KDR: variants seen among roughly 807,000 people sequenced by gnomAD.
The protein encoded by KDR is kinase insert domain receptor.
A neutral mutation model predicts 160.9 loss-of-function variants in KDR; 43 were observed. The ratio of observed to expected loss-of-function variants is 0.27; its 90% CI spans 0.21 to 0.34. KDR has a LOEUF of 0.34. Ranked by LOEUF, KDR falls within the 10% of genes least tolerant of loss-of-function variation. KDR has a pLI of 1.00. For missense variants in KDR, 1,469 were observed against 1,666.4 expected, an observed-to-expected ratio of 0.88 and a Z score of 2.06; for synonymous variants, 617 against 600.1, an observed-to-expected ratio of 1.03 and a Z score of -0.41.
At chr4:55,118,867 G>C in intron 2 of KDR, 67 bp from the exon 3 acceptor site, 1 of 1,404,256 alleles carries the variant, frequency 7.1e-7, no homozygotes, top group East Asian at 2.3e-5. Flanking sequence ...TCTAAGAAAA[G>C]AGAAAATTTG....
chr4:55,081,405 C>T (rs1469254996), intron 29 of KDR, among the ~76,000 whole-genome samples: 1 of 152,052 alleles, frequency 6.6e-6, no homozygotes, highest in Non-Finnish European at 1.5e-5. Flanking sequence ...AGAGAACGTA[C>T]ACGTATTCAA....
At position 55,082,547 on chromosome 4, in the gene KDR, C is replaced by T; in HGVS notation, c.3751G>A (p.Val1251Ile). 6.2e-7 allele frequency: 1 copy of T among 1,609,492 alleles called. No homozygotes were observed. The highest frequency in any genetic ancestry group is 8.5e-7 in the Non-Finnish European group (1 of 1,175,902). Residue 1251 changes from valine to isoleucine, a missense_variant, in exon 28 of 30, where the codon GTA (valine) becomes ATA (isoleucine). Transcript: ENST00000263923. ...DIPLEEPEVK[V>I]IPDDNQTDSG... ...AAAGACGTACTTACATCTGGGATTA[C>T]TTTTACTTCTGGTTCTTCTAACGGG...
chr4:55,090,151 A>T (rs1045141000), intron 22 of KDR, 73 bp from the exon 23 acceptor site: 1 of 1,580,060 alleles, frequency 6.3e-7, no homozygotes, highest in Admixed American at 1.7e-5. Context: ...GACCTCATGC[A>T]TCAAAAAAAA....
chr4:55,082,614 C>T lies in KDR; in HGVS notation c.3684G>A (p.Lys1228=), dbSNP rs764614608. The part of the protein sequence containing the change: ...AGISQYLQNS[K]RKSRPVSVKT... ...TTACACTCACAGGCCGGCTCTTTCGCTTACTGTTCTGCAGATACTGACTGC... is the reference window on the plus strand; with the variant it reads ...TTACACTCACAGGCCGGCTCTTTCGTTTACTGTTCTGCAGATACTGACTGC... The change falls in exon 28 of 30, where the codon AAG becomes AAA. Residue 1228 remains lysine (K), a synonymous_variant. Transcript: ENST00000263923. 1.9e-6 allele frequency: 3 copies of T among 1,613,890 alleles called. No homozygotes were observed. The Admixed American group carries it at 5.0e-5, about 27-fold the overall frequency.
chr4:55,114,234 C>T lies in KDR; in HGVS notation c.690G>A (p.Pro230=), dbSNP rs762050543. 57 of 1,613,722 alleles carry T rather than the reference C, an allele frequency of 3.5e-5. No homozygotes were observed. Among genetic ancestry groups the T allele is most frequent in the Non-Finnish European group, 4.7e-5 (56 of 1,179,864 alleles). ...GYRIYDVVLS[P]SHGIELSVGE... ...CAACAGATAGTTCAATTCCATGAGA[C>T]GGACTCAGAACCACATCATAAATCC... The change falls in exon 6 of 30, where the codon CCG becomes CCA. Residue 230 remains proline (P), a synonymous_variant. Transcript: ENST00000263923.
At chr4:55,118,874 T>C (rs1010962039) in intron 2 of KDR, 74 bp from the exon 3 acceptor site, 3 of 1,373,924 alleles carry the variant, frequency 2.2e-6, no homozygotes, top group African/African-American at 2.9e-5. Flanking sequence ...AAAGAGAAAA[T>C]TTGGTTTTGA....
chr4:55,105,401 A>G (rs945880354), intron 12 of KDR, among the ~76,000 whole-genome samples: 3 of 152,216 alleles, frequency 2.0e-5, no homozygotes, highest in Non-Finnish European at 2.9e-5. Flanking sequence ...AAGCTTATCC[A>G]TAAAACTAAG....
chr4:55,121,606 A>G (rs1449444831), intron 1 of KDR, among the ~76,000 whole-genome samples: 1 of 152,248 alleles, frequency 6.6e-6, no homozygotes, highest in Non-Finnish European at 1.5e-5. Flanking sequence ...AATCCCACTT[A>G]GACGGATTTT....
At chr4:55,091,973 T>A (rs1412350255) in intron 22 of KDR, among the ~76,000 whole-genome samples, 6 of 152,190 alleles carry the variant, frequency 3.9e-5, no homozygotes, top group Admixed American at 6.5e-5. Context: ...CTGAAGCCTG[T>A]CCTTCCTCGT....
intron 29 of KDR, among the ~76,000 whole-genome samples, chr4:55,081,408 G>A (rs80281455): frequency 0.013 from 2,052 of 152,068 alleles, 107 homozygotes; most frequent in East Asian, 0.13. Flanking sequence ...GAACGTACAC[G>A]TATTCAAGAC....
chr4:55,081,918 CT>C, intron 29 of KDR, 37 bp downstream of exon 29: 2 of 1,417,682 alleles, frequency 1.4e-6, no homozygotes, highest in Non-Finnish European at 2.0e-6. Flanking sequence ...CCAAAAATTC[CT>C]ATTGAAATTT....
Position 55,089,980 on chromosome 4 carries a change from A to G in KDR, c.3168T>C (p.Asp1056=). 3.1e-6 allele frequency: 5 copies of G among 1,614,136 alleles called. No homozygotes were observed. Among genetic ancestry groups the G allele is most frequent in the Non-Finnish European group, 3.4e-6 (4 of 1,180,002 alleles). ...CATCTCCTTTTCTGACATAATCTGG[A>G]TCTTTATAAATATCCCGGGCCAAGC... The part of the protein sequence containing the change: ...DFGLARDIYK[D]PDYVRKGDAR... Residue 1056 remains aspartate (D), a synonymous_variant, in exon 23 of 30, where the codon GAT becomes GAC. Coordinates refer to ENST00000263923, the MANE Select transcript of KDR (RefSeq NM_002253.4).
At chr4:55,119,805 T>G (rs933088209) in intron 2 of KDR, among the ~76,000 whole-genome samples, 1 of 152,222 alleles carries the variant, frequency 6.6e-6, no homozygotes, top group Non-Finnish European at 1.5e-5. Flanking sequence ...TGGCTTGTAC[T>G]GCAGCATTTC....
At position 55,124,299 on chromosome 4, in the gene KDR, A is replaced by G. The variant is rs149924634; in HGVS notation, c.67+928T>C. ...ATCTGGATATCAGCAAACTGGCTGC[A>G]GGAAAGAAATATTATCTAAGGGGTT... On this transcript the variant is annotated intron_variant, in intron 1 of 29. Transcript: ENST00000263923. Among the ~76,000 whole-genome samples the G allele has an allele frequency of 5.2e-3, 784 of 152,166 alleles. 6 individuals carry two copies. The highest frequency in any genetic ancestry group is 0.018 in the African/African-American group (743 of 41,512).
chr4:55,117,988 C>T (rs1399540421), intron 3 of KDR, among the ~76,000 whole-genome samples: 1 of 152,120 alleles, frequency 6.6e-6, no homozygotes, highest in South Asian at 2.1e-4. Flanking sequence ...ATATCAATCC[C>T]AAACTGCACA....
intron 2 of KDR, among the ~76,000 whole-genome samples, chr4:55,120,443 G>A (rs1285979948): frequency 6.6e-6 from 1 of 152,120 alleles, no homozygotes; most frequent in Non-Finnish European, 1.5e-5. Context: ...TCTTCTTCTT[G>A]ACAAAGAAGT....
In KDR at chr4:55,078,918, G is replaced by A. The variant is rs1719649903; in HGVS notation, c.*1023C>T. 4.3e-6 allele frequency: 1 copy of A among 233,212 alleles called. No individual in the cohort carries two copies. Among genetic ancestry groups the A allele is most frequent in the Admixed American group, 5.6e-5 (1 of 17,786 alleles). 14.4% of individuals were successfully genotyped at this position (233,212 alleles called of 1,614,324 possible). On this transcript the variant is annotated 3_prime_UTR_variant, in exon 30 of 30. Coordinates refer to ENST00000263923, the MANE Select transcript of KDR (RefSeq NM_002253.4). ...CAAATAACTAAAATACTGATGGGTT[G>A]CGGGGTGAGAGTGGGTTGGGGACAG...
At chr4:55,121,406 T>A (rs1001664571) in intron 1 of KDR, among the ~76,000 whole-genome samples, 1 of 152,206 alleles carries the variant, frequency 6.6e-6, no homozygotes, top group Non-Finnish European at 1.5e-5. Flanking sequence ...ACACAACAGT[T>A]CTGCAATTCA....
intron 1 of KDR, among the ~76,000 whole-genome samples, chr4:55,124,895 C>G (rs1398253797): frequency 6.6e-6 from 1 of 152,172 alleles, no homozygotes; most frequent in Non-Finnish European, 1.5e-5. Context: ...GCGGAGGCAC[C>G]TCCTGCCTGC....
Sources: allele counts gnomAD v4.1 joint callset (sites outside exome capture counted in the v4.1 genomes callset), GRCh38; gene constraint gnomAD v4.1.1; transcripts MANE v1.5; gene names NCBI Gene and HGNC (gene_info 2026-07-23, HGNC 2026-07-21).